Variants in CYP3A5 observed in about 807,000 individuals in gnomAD.
CYP3A5 encodes cytochrome P450 family 3 subfamily A member 5.
In CYP3A5, 51 loss-of-function variants were observed where a neutral mutation model predicts 55.9. The ratio of observed to expected loss-of-function variants is 0.91; its 90% CI spans 0.73 to 1.15. The LOEUF (loss-of-function observed/expected upper bound fraction) is 1.15. CYP3A5 is among the 50% of genes most tolerant of loss of function. The pLI is 0.00. For missense variants in CYP3A5, 533 were observed against 596.6 expected (o/e 0.89, Z 1.11); for synonymous variants, 196 against 213.9 (o/e 0.92, Z 0.73).
rs1810545636 is a variant in CYP3A5, at chr7:99,662,422, A to G, written c.865+394T>C. ...TGCAGTAGATTAACCTTGCGAACAC[A>G]CTTTCAAGTACTGCCAGTTAAAATC... On this transcript the variant is annotated intron_variant, in intron 9 of 12. Coordinates refer to ENST00000222982, the MANE Select transcript of CYP3A5 (RefSeq NM_000777.5). This position sits in a 1 kb window ranked among gnomAD's most constrained non-coding sequence, Gnocchi z 4.3. Among the ~76,000 whole-genome samples, 1 of 152,330 alleles carries G rather than the reference A, an allele frequency of 6.6e-6. No individual in the cohort carries two copies. Among genetic ancestry groups the G allele is most frequent in the Admixed American group, 6.5e-5 (1 of 15,304 alleles).
Position 99,679,814 on chromosome 7 carries a change from A to G in CYP3A5, c.71+12T>C. The G allele has an allele frequency of 6.2e-7, 1 of 1,613,540 alleles. No individual in the cohort carries two copies. Among genetic ancestry groups the G allele is most frequent in the Non-Finnish European group, 8.5e-7 (1 of 1,179,670 alleles). On this transcript the variant is annotated intron_variant, in intron 1 of 12. Coordinates refer to ENST00000222982, the MANE Select transcript of CYP3A5 (RefSeq NM_000777.5). Reference sequence around the variant, plus strand: ...CAAGGAAACAAAGAGAGGAGTTTGGACAGTTACTCACAGATAGAGGAGCAC... The same window carrying G: ...CAAGGAAACAAAGAGAGGAGTTTGGGCAGTTACTCACAGATAGAGGAGCAC...
At chr7:99,674,467 A>G (rs1416044124) in intron 3 of CYP3A5, 66 bp downstream of exon 3, 4 of 1,295,318 alleles carry the variant, frequency 3.1e-6, no homozygotes, top group African/African-American at 1.5e-5. Context: ...GGCAGAGACT[A>G]TCCTGCAGTG....
At position 99,662,722 on chromosome 7, in the gene CYP3A5, C is replaced by A. The variant is rs1736243222; in HGVS notation, c.865+94G>T. 1.6e-6 allele frequency: 2 copies of A among 1,263,698 alleles called. No homozygotes were observed. Among genetic ancestry groups the A allele is most frequent in the Non-Finnish European group, 2.3e-6 (2 of 879,844 alleles). The allele number at this position is 1,263,698 out of a possible 1,614,324, so 78.3% of individuals were successfully genotyped here. A position where few individuals can be genotyped will look rare whatever the true frequency, so the allele number is the denominator to read the frequency against. Reference sequence around the variant, plus strand: ...GTTGTTCTGCTATGTGGCAAAAATTCTCATCTTCCTGGAATACTTCCTGCA... The same window carrying A: ...GTTGTTCTGCTATGTGGCAAAAATTATCATCTTCCTGGAATACTTCCTGCA... On this transcript the variant is annotated intron_variant, in intron 9 of 12. Transcript: ENST00000222982. This position sits in a 1 kb window ranked among gnomAD's most constrained non-coding sequence, Gnocchi z 4.3.
chr7:99,652,536 T>G lies in CYP3A5; in HGVS notation c.1253+17A>C, dbSNP rs757080040. On this transcript the variant is annotated intron_variant, in intron 11 of 12. Transcript: ENST00000222982. ...AGCCTGGGTCAGGGTGAGCTCCATT[T>G]CCCTGGAGACTTGTACCTTTCAGGG... 10 of 1,571,980 alleles carry G rather than the reference T, an allele frequency of 6.4e-6. No homozygotes were observed. The highest frequency in any genetic ancestry group is 8.7e-6 in the Non-Finnish European group (10 of 1,152,044).
intron 2 of CYP3A5, among the ~76,000 whole-genome samples, chr7:99,675,146 G>GACTT (rs1349063423): frequency 6.6e-6 from 1 of 152,232 alleles, no homozygotes; most frequent in East Asian, 1.9e-4. Flanking sequence ...TGAGAAAGTA[G>GACTT]ACTTCCTTTC....
chr7:99,663,235 T>G (rs899166058), intron 8 of CYP3A5: 1 of 1,055,086 alleles, frequency 9.5e-7, no homozygotes, highest in East Asian at 8.3e-5. Flanking sequence ...TCTTTTATTC[T>G]TCTACCTTTT....
chr7:99,660,160 G>T, intron 10 of CYP3A5: 1 of 907,414 alleles, frequency 1.1e-6, no homozygotes, highest in Non-Finnish European at 1.3e-6. Context: ...TGTTGCTCAC[G>T]CTGGGAGCTG....
intron 10 of CYP3A5, among the ~76,000 whole-genome samples, chr7:99,655,785 G>A (rs1209113090): frequency 6.6e-6 from 1 of 152,096 alleles, no homozygotes; most frequent in Non-Finnish European, 1.5e-5. Context: ...TCCTTGAAGA[G>A]GTCCTTCACA....
At chr7:99,678,347 C>T (rs535958679) in intron 1 of CYP3A5, among the ~76,000 whole-genome samples, 2 of 152,336 alleles carry the variant, frequency 1.3e-5, no homozygotes, top group African/African-American at 2.4e-5. Context: ...AATATTTTCT[C>T]ACTTCATATG....
intron 2 of CYP3A5, 133 bp downstream of exon 2, chr7:99,675,982 A>C: frequency 1.4e-6 from 1 of 726,608 alleles, no homozygotes; most frequent in East Asian, 2.9e-5. Flanking sequence ...GGCATGATCC[A>C]CTGCACCCAG....
chr7:99,653,624 T>G lies in CYP3A5; in HGVS notation c.1027-845A>C, dbSNP rs2087313641. 6.6e-6 allele frequency among the ~76,000 whole-genome samples: 1 copy of G among 152,164 alleles called. No homozygotes were observed. Among genetic ancestry groups the G allele is most frequent in the South Asian group, 2.1e-4 (1 of 4,828 alleles). ...CCCACACTCAGCCCCATCCCCTCCT[T>G]TTGGAATAGTTTCCTAGTTGTTGCT... On this transcript the variant is annotated intron_variant, in intron 10 of 12. Transcript: ENST00000222982. The surrounding 1 kb of genome is among the most constrained non-coding windows in gnomAD (Gnocchi z 4.2).
rs769315225 is a variant in CYP3A5, at chr7:99,676,197, C to T, written c.83G>A (p.Arg28His). The T allele has an allele frequency of 1.4e-5, 23 of 1,613,452 alleles. No individual in the cohort carries two copies. The highest frequency in any genetic ancestry group is 5.5e-5 in the South Asian group (5 of 91,070). The change falls in exon 2 of 13, where the codon CGT becomes CAT. Residue 28 changes from arginine (R) to histidine (H), a missense_variant. Physicochemically the swap from Arg to His is conservative, Grantham distance 29. Coordinates refer to ENST00000222982, the MANE Select transcript of CYP3A5 (RefSeq NM_000777.5). ...CAGTCTCTTAAAAAGTCCATGTGTA[C>T]GGGTCCCATATCTACAAAGTGAAAC... ...SLVLLYLYGT[R>H]THGLFKRLGI...
chr7:99,659,996 T>G (rs1374162646), intron 10 of CYP3A5: 1 of 160,098 alleles, frequency 6.2e-6, no homozygotes, highest in Non-Finnish European at 1.3e-5. Flanking sequence ...GGGAATTCCC[T>G]GACCCCTTGC....
chr7:99,667,442 T>C (rs1435268097), intron 4 of CYP3A5, among the ~76,000 whole-genome samples: 2 of 152,178 alleles, frequency 1.3e-5, no homozygotes, highest in African/African-American at 4.8e-5. Context: ...GCAGACTGTA[T>C]GTTGCCTCAG....
intron 10 of CYP3A5, among the ~76,000 whole-genome samples, chr7:99,656,815 T>G (rs1238380421): frequency 6.6e-6 from 1 of 152,088 alleles, no homozygotes; most frequent in African/African-American, 2.4e-5. Context: ...CTTGGGAGAG[T>G]GTATGTGTCG....
In CYP3A5 at chr7:99,679,165, A is replaced by G. The variant is rs574879718; in HGVS notation, c.71+661T>C. Among the ~76,000 whole-genome samples, 9 of 152,302 alleles carry G rather than the reference A, an allele frequency of 5.9e-5. No homozygotes were observed. In the South Asian group the frequency reaches 1.9e-3, roughly 32 times the overall value. ...CAGGTCTCCTTTGCTCTAGAGGTTA[A>G]TCATTGCAAGATAAACCATCCTGTG... is the stretch of plus-strand genomic sequence containing the variant. On this transcript the variant is annotated intron_variant, in intron 1 of 12. Coordinates refer to ENST00000222982, the MANE Select transcript of CYP3A5 (RefSeq NM_000777.5).
chr7:99,652,188 C>T (rs1349877342), intron 11 of CYP3A5: 1 of 148,228 alleles, frequency 6.7e-6, no homozygotes, highest in African/African-American at 2.5e-5. Flanking sequence ...TATATATATA[C>T]ATATATATGT....
Position 99,650,228 on chromosome 7 carries a change from T to A in CYP3A5, c.1258A>T (p.Ser420Cys). Residue 420 changes from serine (S) to cysteine (C), a missense_variant, in exon 12 of 13, where the codon AGT becomes TGT. Transcript: ENST00000222982. Reference protein sequence around the residue: ...EPEEFRPERFSKKKDSIDPYI... With the variant: ...EPEEFRPERFCKKKDSIDPYI... ...GGATCTATGCTGTCCTTCTTCTTAC[T>A]GAACCTAGTTCCATATTGGTAGATT... The A allele has an allele frequency of 6.2e-7, 1 of 1,613,444 alleles. No homozygotes were observed. Among genetic ancestry groups the A allele is most frequent in the Non-Finnish European group, 8.5e-7 (1 of 1,179,576 alleles).
Position 99,672,659 on chromosome 7 carries a change from G to C in CYP3A5, c.239C>G (p.Pro80Arg), listed in dbSNP as rs1263327720. ...GTCGGGATCTGTGATGGCCAGCACAGGGAGTTGACCTTCATACGTTCTGTG... is the reference window on the plus strand; with the variant it reads ...GTCGGGATCTGTGATGGCCAGCACACGGAGTTGACCTTCATACGTTCTGTG... ...KMWGTYEGQLPVLAITDPDVI... is the reference protein window; with the variant it reads ...KMWGTYEGQLRVLAITDPDVI... The change falls in exon 4 of 13, where the codon CCT becomes CGT. Residue 80 changes from proline (P) to arginine (R), a missense_variant. Transcript: ENST00000222982. The C allele has an allele frequency of 2.5e-6, 4 of 1,614,014 alleles. No individual in the cohort carries two copies. Among genetic ancestry groups the C allele is most frequent in the Non-Finnish European group, 3.4e-6 (4 of 1,179,992 alleles).
Sources: allele counts gnomAD v4.1 joint callset (sites outside exome capture counted in the v4.1 genomes callset), GRCh38; gene constraint gnomAD v4.1.1; non-coding constraint Gnocchi (gnomAD v3.1); transcripts MANE v1.5; gene names NCBI Gene and HGNC (gene_info 2026-07-23, HGNC 2026-07-21).